The following TAFA2 variants were observed in gnomAD, a reference collection of about 807,000 sequenced individuals.
TAFA2 encodes TAFA chemokine like family member 2, also known as chemokine-like protein TAFA-2.
Under a neutral mutation model 18.8 loss-of-function variants are expected in TAFA2, and 7 were observed. That is an observed-to-expected ratio of 0.37 (90% CI 0.21 to 0.70). TAFA2 has a LOEUF of 0.70. Ranked by LOEUF, TAFA2 falls within the 30% of genes least tolerant of loss-of-function variation. The pLI is 0.53. For synonymous variants in TAFA2, 60 were observed against 54.2 expected (o/e 1.11, Z -0.47); for missense variants, 122 against 158.1 (o/e 0.77, Z 1.23).
intron 1 of TAFA2, among the ~76,000 whole-genome samples, chr12:62,169,850 C>CAAAAAA (rs11373929): frequency 1.1e-5 from 1 of 90,066 alleles, no homozygotes; most frequent in Non-Finnish European, 2.2e-5. Context: ...GACTCCGTCT[C>CAAAAAA]AAAAAAAAAA....
chr12:62,139,517 T>C (rs1010024515), intron 1 of TAFA2, among the ~76,000 whole-genome samples: 5 of 152,292 alleles, frequency 3.3e-5, no homozygotes, highest in Admixed American at 2.6e-4. Flanking sequence ...TAATCTAATA[T>C]AAAATCAAAC....
intron 2 of TAFA2, among the ~76,000 whole-genome samples, chr12:61,792,431 G>T (rs2120930622): frequency 6.6e-6 from 1 of 151,432 alleles, no homozygotes; most frequent in South Asian, 2.1e-4. Flanking sequence ...AAATGTTTGA[G>T]GTGACAGATT....
chr12:61,938,707 C>T lies in TAFA2; in HGVS notation c.-1-71281G>A, dbSNP rs779047224. Among the ~76,000 whole-genome samples, 24 of 152,150 alleles carry T rather than the reference C, an allele frequency of 1.6e-4. 1 individual carries two copies. The highest frequency in any genetic ancestry group is 2.2e-4 in the African/African-American group (9 of 41,496). ...AAGAAAATGTGGTATGTATATACAT[C>T]GTGGAATACTACTCAGCAATGAAAA... On this transcript the variant is annotated intron_variant, in intron 1 of 4. Coordinates refer to ENST00000416284, the MANE Select transcript of TAFA2 (RefSeq NM_178539.5).
chr12:61,747,429 G>A (rs992335665), intron 4 of TAFA2, among the ~76,000 whole-genome samples: 41 of 146,638 alleles, frequency 2.8e-4, no homozygotes, highest in East Asian at 9.9e-4. Flanking sequence ...TGTTTATTGC[G>A]GCATTATTCA....
intron 1 of TAFA2, among the ~76,000 whole-genome samples, chr12:62,171,633 C>T (rs2062478828): frequency 6.6e-6 from 1 of 152,140 alleles, no homozygotes; most frequent in Non-Finnish European, 1.5e-5. Context: ...GCAAGGGGTG[C>T]CTTCTACAAG....
At chr12:61,724,415 G>A (rs974371582) in intron 4 of TAFA2, among the ~76,000 whole-genome samples, 2 of 150,084 alleles carry the variant, frequency 1.3e-5, no homozygotes, top group African/African-American at 2.5e-5. Context: ...TACTTTTGGG[G>A]GAACAGGTGG....
chr12:61,947,616 C>G (rs1023735452), intron 1 of TAFA2, among the ~76,000 whole-genome samples: 10 of 152,038 alleles, frequency 6.6e-5, no homozygotes, highest in African/African-American at 2.4e-4. Flanking sequence ...TTGAAAAGCC[C>G]ACTCTAATTC....
intron 1 of TAFA2, among the ~76,000 whole-genome samples, chr12:61,910,097 TG>T (rs1565677879): frequency 4.2e-4 from 39 of 93,804 alleles, no homozygotes; most frequent in Non-Finnish European, 6.8e-4. Context: ...TGTGTGTGTG[TG>T]TTTGTGTGTG....
chr12:61,846,282 T>C (rs2067911), intron 2 of TAFA2, among the ~76,000 whole-genome samples: 44,096 of 152,044 alleles, frequency 0.29, 6,985 homozygotes, highest in South Asian at 0.4. Flanking sequence ...TTGTTGTGAC[T>C]GGACAGCCCA....
chr12:62,165,306 T>C (rs2062431353), intron 1 of TAFA2, among the ~76,000 whole-genome samples: 2 of 152,004 alleles, frequency 1.3e-5, no homozygotes, highest in Non-Finnish European at 2.9e-5. Flanking sequence ...TCTACTTACC[T>C]CCCTCTGTAT....
chr12:61,948,584 A>G (rs1592507272), intron 1 of TAFA2, among the ~76,000 whole-genome samples: 1 of 152,194 alleles, frequency 6.6e-6, no homozygotes, highest in African/African-American at 2.4e-5. Flanking sequence ...CTGGCAGAAC[A>G]AAGTATATTT....
intron 2 of TAFA2, among the ~76,000 whole-genome samples, chr12:61,809,733 G>A (rs1871780254): frequency 6.6e-6 from 1 of 151,264 alleles, no homozygotes; most frequent in East Asian, 1.9e-4. Context: ...TTTACTTATG[G>A]TTGAGGGTAG....
intron 1 of TAFA2, among the ~76,000 whole-genome samples, chr12:62,251,533 C>T (rs2062913677): frequency 6.6e-6 from 1 of 152,160 alleles, no homozygotes; most frequent in African/African-American, 2.4e-5. Context: ...GGTGCAGGCC[C>T]AAGTGCCCTG....
chr12:61,804,044 A>T (rs965716986), intron 2 of TAFA2, among the ~76,000 whole-genome samples: 4 of 152,114 alleles, frequency 2.6e-5, no homozygotes, highest in Non-Finnish European at 4.4e-5. Context: ...TGAGGAGAGA[A>T]ATAGTACTTA....
chr12:62,071,043 C>A (rs937724009), intron 1 of TAFA2, among the ~76,000 whole-genome samples: 7 of 152,168 alleles, frequency 4.6e-5, no homozygotes, highest in African/African-American at 1.7e-4. Context: ...CAAAAGAAGT[C>A]TTTCAACAAA....
chr12:61,883,381 T>C (rs1214402632), intron 1 of TAFA2, among the ~76,000 whole-genome samples: 1 of 152,192 alleles, frequency 6.6e-6, no homozygotes, highest in Non-Finnish European at 1.5e-5. Flanking sequence ...CAGACACACT[T>C]GCAATCATGC....
chr12:61,891,681 G>C (rs1422471910), intron 1 of TAFA2, among the ~76,000 whole-genome samples: 1 of 151,880 alleles, frequency 6.6e-6, no homozygotes, highest in East Asian at 1.9e-4. Context: ...AGAAGGTAGA[G>C]TAGGAGGAGG....
At position 62,191,256 on chromosome 12, in the gene TAFA2, T is replaced by TA. The variant is rs1290041216; in HGVS notation, c.-2+2dup. ...GGCGACCCGAGGCGCGGCTCGCACC[T>TA]ACCTGCAGCCCCGCTTCCCGGTGGC... On this transcript the variant is annotated splice_region_variant and intron_variant, in intron 1 of 4. Transcript: ENST00000416284. 6.6e-6 allele frequency: 1 copy of TA among 152,120 alleles called. No individual in the cohort carries two copies. Among genetic ancestry groups the TA allele is most frequent in the Non-Finnish European group, 1.5e-5 (1 of 68,048 alleles). The allele number at this position is 152,120 out of a possible 1,614,324, so 9.4% of individuals were successfully genotyped here.
intron 1 of TAFA2, among the ~76,000 whole-genome samples, chr12:62,110,547 G>C (rs1869675421): frequency 6.6e-6 from 1 of 151,468 alleles, no homozygotes; most frequent in South Asian, 2.1e-4. Context: ...AATTTCAGAA[G>C]GAATGGCACC....
Sources: gnomAD v4.1 joint callset for allele counts (sites outside exome capture counted in the v4.1 genomes callset) on GRCh38, gnomAD v4.1.1 for gene constraint, MANE v1.5 for transcripts, NCBI Gene and HGNC (gene_info 2026-07-23, HGNC 2026-07-21) for gene names.